The following DYM variants were observed in gnomAD, a reference collection of about 807,000 sequenced individuals.
DYM encodes the protein dymeclin.
Under a neutral mutation model 93.1 loss-of-function variants are expected in DYM, and 78 were observed. The ratio of observed to expected loss-of-function variants is 0.84; its 90% CI spans 0.70 to 1.01. DYM has a LOEUF of 1.01. Among genes scored for constraint, DYM ranks in the 50% least tolerant of loss-of-function variants. The pLI is 0.00. For missense variants in DYM, 789 were observed against 845.0 expected, an observed-to-expected ratio of 0.93 and a Z score of 0.82; for synonymous variants, 321 against 319.7, an observed-to-expected ratio of 1.00 and a Z score of -0.04.
At chr18:49,199,493 C>A (rs1057464959) in intron 14 of DYM, among the ~76,000 whole-genome samples, 1 of 152,160 alleles carries the variant, frequency 6.6e-6, no homozygotes, top group Non-Finnish European at 1.5e-5. Context: ...AGACTGAATA[C>A]CACATTATGG....
At chr18:49,287,804 CACA>C (rs1311045426) in intron 8 of DYM, among the ~76,000 whole-genome samples, 2 of 134,890 alleles carry the variant, frequency 1.5e-5, no homozygotes, top group South Asian at 2.4e-4. Context: ...GAGATCGCGC[CACA>C]ACAAGAGCGA....
intron 17 of DYM, among the ~76,000 whole-genome samples, chr18:49,088,296 G>A (rs972254596): frequency 6.6e-6 from 1 of 152,062 alleles, no homozygotes; most frequent in East Asian, 1.9e-4. Flanking sequence ...TTTGTATAAG[G>A]TGTAAGGAAG....
At chr18:49,400,988 G>C (rs1399109098) in intron 2 of DYM, among the ~76,000 whole-genome samples, 1 of 152,166 alleles carries the variant, frequency 6.6e-6, no homozygotes, top group African/African-American at 2.4e-5. Flanking sequence ...AAATATGCCA[G>C]TGTTTCCAAG....
intron 10 of DYM, among the ~76,000 whole-genome samples, chr18:49,281,638 T>C (rs964708638): frequency 1.3e-5 from 2 of 152,080 alleles, no homozygotes; most frequent in African/African-American, 4.8e-5. Context: ...AAAGGATGGG[T>C]TCGTGTCCTT....
At chr18:49,413,519 G>GT (rs1213392340) in intron 2 of DYM, among the ~76,000 whole-genome samples, 1 of 152,000 alleles carries the variant, frequency 6.6e-6, no homozygotes, top group Non-Finnish European at 1.5e-5. Context: ...TTTTTATCAT[G>GT]TAAGAAAAAT....
intron 6 of DYM, among the ~76,000 whole-genome samples, chr18:49,352,560 G>A (rs1568301957): frequency 6.6e-6 from 1 of 151,834 alleles, no homozygotes; most frequent in East Asian, 1.9e-4. Flanking sequence ...GGAAACTAGG[G>A]AACTTGAGAG....
At chr18:49,046,179 AAC>A (rs767403326) in intron 17 of DYM, among the ~76,000 whole-genome samples, 10 of 150,876 alleles carry the variant, frequency 6.6e-5, no homozygotes, top group Non-Finnish European at 1.2e-4. Flanking sequence ...ACACAGATAA[AAC>A]ACACAGACAC....
chr18:49,455,511 G>GTA (rs1212690868), intron 1 of DYM, among the ~76,000 whole-genome samples: 1 of 152,108 alleles, frequency 6.6e-6, no homozygotes, highest in Non-Finnish European at 1.5e-5. Context: ...AACATATAAA[G>GTA]TATATATTAG....
Position 49,281,953 on chromosome 18 carries a change from TA to T in DYM, c.1125+43del, listed in dbSNP as rs199585077. ...TGTACCCTAAAACTTAAAGTATAAT[TA>T]AAAAAAAATACAAACGCATGGAATG... On this transcript the variant is annotated intron_variant, in intron 10 of 17. Coordinates refer to ENST00000675505, the MANE Select transcript of DYM (RefSeq NM_001353214.3). 630 of 1,548,312 alleles carry T rather than the reference TA, an allele frequency of 4.1e-4. 1 individual carries two copies. The highest frequency in any genetic ancestry group is 1.8e-3 in the South Asian group (157 of 86,670).
chr18:49,245,359 T>C (rs1038786106), intron 13 of DYM, among the ~76,000 whole-genome samples: 1 of 152,192 alleles, frequency 6.6e-6, no homozygotes, highest in African/African-American at 2.4e-5. Context: ...TCAGGCAGAA[T>C]AGAGCCATAT....
At chr18:49,361,009 G>A (rs970217346) in intron 6 of DYM, among the ~76,000 whole-genome samples, 1 of 152,236 alleles carries the variant, frequency 6.6e-6, no homozygotes, top group Admixed American at 6.5e-5. Flanking sequence ...TGCTCTGCAA[G>A]TTCATGACTT....
chr18:49,434,870 C>T (rs1194711284), intron 1 of DYM, among the ~76,000 whole-genome samples: 1 of 151,808 alleles, frequency 6.6e-6, no homozygotes, highest in African/African-American at 2.4e-5. Context: ...AAAAAAAGCA[C>T]AACCCATAAA....
At chr18:49,354,457 A>C (rs2065372960) in intron 6 of DYM, among the ~76,000 whole-genome samples, 1 of 152,088 alleles carries the variant, frequency 6.6e-6, no homozygotes. Context: ...ATTAAAATTA[A>C]AAATTTCTAT....
intron 2 of DYM, among the ~76,000 whole-genome samples, chr18:49,422,030 T>A (rs984119300): frequency 1.3e-5 from 2 of 152,218 alleles, no homozygotes; most frequent in Non-Finnish European, 2.9e-5. Context: ...TATGTCTGAT[T>A]GGTGTACCTG....
intron 11 of DYM, among the ~76,000 whole-genome samples, chr18:49,269,529 T>C (rs1240276162): frequency 1.3e-5 from 2 of 152,160 alleles, no homozygotes; most frequent in African/African-American, 2.4e-5. Flanking sequence ...CTATTCAGAA[T>C]AGCCAAGACA....
chr18:49,108,657 T>C (rs1287250885), intron 16 of DYM, among the ~76,000 whole-genome samples: 1 of 152,260 alleles, frequency 6.6e-6, no homozygotes, highest in African/African-American at 2.4e-5. Context: ...GCCCCATACA[T>C]GGTCTCTCTT....
At chr18:49,201,455 A>G (rs528191234) in intron 14 of DYM, among the ~76,000 whole-genome samples, 231 of 152,324 alleles carry the variant, frequency 1.5e-3, no homozygotes, top group African/African-American at 4.8e-3. Context: ...GACAGTCATC[A>G]GACGCAGCAT....
chr18:49,271,540 G>C (rs1177110360), intron 11 of DYM, among the ~76,000 whole-genome samples: 2 of 152,040 alleles, frequency 1.3e-5, no homozygotes, highest in Admixed American at 1.3e-4. Context: ...TTCGAAACAT[G>C]GACAGAACTG....
At chr18:49,254,299 T>C (rs2094347768) in intron 13 of DYM, among the ~76,000 whole-genome samples, 1 of 2,560 alleles carries the variant, frequency 3.9e-4, no homozygotes, top group African/African-American at 8.9e-4. Flanking sequence ...TATATATATA[T>C]ATATATATAT....
Sources: allele counts gnomAD v4.1 joint callset (sites outside exome capture counted in the v4.1 genomes callset), GRCh38; gene constraint gnomAD v4.1.1; transcripts MANE v1.5; gene names NCBI Gene and HGNC (gene_info 2026-07-23, HGNC 2026-07-21).